Variants in VIT observed in about 807,000 individuals in gnomAD.
VIT encodes vitrin.
A neutral mutation model predicts 78.0 loss-of-function variants in VIT; 99 were observed. That is an observed-to-expected ratio of 1.27 (90% CI 1.08 to 1.50). The LOEUF (loss-of-function observed/expected upper bound fraction) is 1.50, where lower values mean the gene tolerates loss of function less well. Ranked by LOEUF, VIT falls within the 40% of genes most tolerant of loss-of-function variation. The pLI, the probability that VIT is intolerant of heterozygous loss-of-function variation, is 0.00. For missense variants in VIT, 1,126 were observed against 875.3 expected, an observed-to-expected ratio of 1.29 and a Z score of -3.61; for synonymous variants, 374 against 334.3, an observed-to-expected ratio of 1.12 and a Z score of -1.29.
chr2:36,776,999 G>T (rs1670103777), intron 9 of VIT, among the ~76,000 whole-genome samples: 1 of 149,576 alleles, frequency 6.7e-6, no homozygotes, highest in Non-Finnish European at 1.5e-5. Context: ...TGAGGCAGGA[G>T]AATGGCATGA....
At position 36,801,339 on chromosome 2, in the gene VIT, C is replaced by T. The variant is rs373378679; in HGVS notation, c.1097C>T (p.Thr366Met). 2.5e-6 allele frequency: 4 copies of T among 1,614,120 alleles called. No individual in the cohort carries two copies. Among genetic ancestry groups the T allele is most frequent in the South Asian group, 1.1e-5 (1 of 91,080 alleles). ...PATHFNLKTH[T>M]NSRDLKTAIE... The stretch of plus-strand genomic sequence containing the variant: ...ACTCACTTTAACCTCAAGACACACA[C>T]GAATTCTCGAGATCTGAAGACAGCC... Residue 366 changes from threonine to methionine, a missense_variant, in exon 13 of 16, where the codon ACG (threonine) becomes ATG (methionine). Thr to Met is a moderately conservative substitution (Grantham distance 81). Coordinates refer to ENST00000379242, the MANE Select transcript of VIT (RefSeq NM_053276.4).
At chr2:36,812,117 C>T (rs972913874) in intron 15 of VIT, among the ~76,000 whole-genome samples, 2 of 152,190 alleles carry the variant, frequency 1.3e-5, no homozygotes, top group Non-Finnish European at 2.9e-5. Context: ...CACTTTAAAG[C>T]CCAAAGCTGG....
chr2:36,807,793 G>A (rs1287535351), intron 14 of VIT, among the ~76,000 whole-genome samples: 2 of 152,222 alleles, frequency 1.3e-5, no homozygotes, highest in East Asian at 1.9e-4. Context: ...TTTGCCTGGA[G>A]GCAGAGTTGT....
intron 4 of VIT, among the ~76,000 whole-genome samples, chr2:36,749,080 C>G (rs572220068): frequency 6.6e-6 from 1 of 152,312 alleles, no homozygotes; most frequent in East Asian, 1.9e-4. Flanking sequence ...CAACTGACTT[C>G]TCTTTACACT....
At position 36,771,312 on chromosome 2, in the gene VIT, G is replaced by A. The variant is rs891718294; in HGVS notation, c.680-2479G>A. 7.2e-5 allele frequency among the ~76,000 whole-genome samples: 11 copies of A among 152,162 alleles called. No individual in the cohort carries two copies. The East Asian group carries it at 1.2e-3, about 16-fold the overall frequency. On this transcript the variant is annotated intron_variant, in intron 7 of 15. Coordinates refer to ENST00000379242, the MANE Select transcript of VIT (RefSeq NM_053276.4). ...TGGGAGGCCAAGGCGGGCGGATCAC[G>A]AGGTCAGAAGTTCGACCAGTCTGGC...
chr2:36,713,935 A>G (rs1665968920), intron 1 of VIT, among the ~76,000 whole-genome samples: 2 of 152,232 alleles, frequency 1.3e-5, no homozygotes, highest in African/African-American at 4.8e-5. Context: ...AAGTTAATAA[A>G]ATACAAAAAA....
At position 36,808,975 on chromosome 2, in the gene VIT, C is replaced by A. The variant is rs369060915; in HGVS notation, c.1893C>A (p.Ala631=). 4.4e-5 allele frequency: 69 copies of A among 1,583,902 alleles called. No individual in the cohort carries two copies. Among genetic ancestry groups the A allele is most frequent in the Non-Finnish European group, 5.6e-5 (65 of 1,161,642 alleles). ...ACGTCCGGATCCCAGCCATGGCTGCCCATCTGAAGGGTAAGCTGGGCTTGC... is the reference window on the plus strand; with the variant it reads ...ACGTCCGGATCCCAGCCATGGCTGCACATCTGAAGGGTAAGCTGGGCTTGC... The part of the protein sequence containing the change: ...YDDVRIPAMA[A]HLKGVITYAI... Residue 631 remains alanine, a synonymous_variant, in exon 15 of 16, where the codon GCC becomes GCA. Transcript: ENST00000379242.
chr2:36,812,721 C>T (rs565654233), intron 15 of VIT, among the ~76,000 whole-genome samples: 3 of 152,264 alleles, frequency 2.0e-5, no homozygotes, highest in African/African-American at 7.2e-5. Context: ...AGCCAAACTT[C>T]AGGAAAGGAG....
chr2:36,698,662 G>T (rs1028082257), intron 1 of VIT, among the ~76,000 whole-genome samples: 1 of 152,098 alleles, frequency 6.6e-6, no homozygotes, highest in African/African-American at 2.4e-5. Context: ...ATGTAATCTT[G>T]GCCTGGCGCA....
chr2:36,794,365 C>G (rs1665714825), intron 12 of VIT, among the ~76,000 whole-genome samples: 1 of 152,124 alleles, frequency 6.6e-6, no homozygotes, highest in Non-Finnish European at 1.5e-5. Context: ...TAATAAGAAC[C>G]TGTAATAAAA....
rs772709835 is a variant in VIT, at chr2:36,743,177, T to C, written c.196T>C (p.Cys66Arg). The C allele has an allele frequency of 1.9e-5, 31 of 1,613,988 alleles. No individual in the cohort carries two copies. In the South Asian group the frequency reaches 2.4e-4, roughly 13 times the overall value. ...PEFIVKCPAG[C>R]QDPKYHVYGT... Reference sequence around the variant, plus strand: ...GTTCATTGTGAAATGTCCAGCAGGATGCCAAGACCCCAAATACCATGTTTA... The same window carrying C: ...GTTCATTGTGAAATGTCCAGCAGGACGCCAAGACCCCAAATACCATGTTTA... The change falls in exon 4 of 16, where the codon TGC (cysteine) becomes CGC (arginine). Residue 66 changes from cysteine to arginine, a missense_variant. Cys to Arg is a radical substitution (Grantham distance 180, BLOSUM62 -3). Transcript: ENST00000379242.
chr2:36,699,516 T>TTTTATATATA (rs10661448), intron 1 of VIT, among the ~76,000 whole-genome samples: 39,222 of 148,704 alleles, frequency 0.26, 6,099 homozygotes, highest in Middle Eastern at 0.44. Flanking sequence ...TTAGAGGGGG[T>TTTTATATATA]TATATATATA....
intron 1 of VIT, among the ~76,000 whole-genome samples, chr2:36,701,614 T>G (rs1360019151): frequency 2.0e-5 from 1 of 50,362 alleles, no homozygotes; most frequent in Non-Finnish European, 6.1e-5. Flanking sequence ...TCTTCTCTTA[T>G]TCAAAAAGAA....
chr2:36,755,955 A>ATTT (rs58344336), intron 5 of VIT, among the ~76,000 whole-genome samples: 6,613 of 108,448 alleles, frequency 0.061, 838 homozygotes, highest in African/African-American at 0.19. Context: ...ACAACACAGT[A>ATTT]TTTTTTTTTT....
chr2:36,699,934 T>C (rs62132517), intron 1 of VIT, among the ~76,000 whole-genome samples: 27,337 of 152,122 alleles, frequency 0.18, 3,004 homozygotes, highest in East Asian at 0.46. Flanking sequence ...GGCCTCAGTT[T>C]TCTCATCTAT....
At chr2:36,726,310 T>G (rs1323842226) in intron 2 of VIT, among the ~76,000 whole-genome samples, 1 of 152,090 alleles carries the variant, frequency 6.6e-6, no homozygotes, top group Non-Finnish European at 1.5e-5. Context: ...CATGAAAAAA[T>G]GTCGATATAG....
chr2:36,768,431 C>CAATA (rs1362979073), intron 7 of VIT, among the ~76,000 whole-genome samples: 2 of 152,114 alleles, frequency 1.3e-5, no homozygotes, highest in Non-Finnish European at 1.5e-5. Flanking sequence ...GACTCCGTTT[C>CAATA]AATAAATAAA....
At chr2:36,804,656 C>T (rs543083371) in intron 13 of VIT, among the ~76,000 whole-genome samples, 1 of 152,140 alleles carries the variant, frequency 6.6e-6, no homozygotes, top group Admixed American at 6.5e-5. Flanking sequence ...ATGGTGAAAC[C>T]CCATCTCTAC....
At chr2:36,701,206 G>A (rs1444818614) in intron 1 of VIT, among the ~76,000 whole-genome samples, 2 of 152,152 alleles carry the variant, frequency 1.3e-5, no homozygotes, top group Non-Finnish European at 1.5e-5. Flanking sequence ...GTCAGGAGAA[G>A]AGGGCTTTTA....
Sources: allele counts gnomAD v4.1 joint callset (sites outside exome capture counted in the v4.1 genomes callset), GRCh38; gene constraint gnomAD v4.1.1; transcripts MANE v1.5; gene names NCBI Gene and HGNC (gene_info 2026-07-23, HGNC 2026-07-21).